Variants in DSTYK observed in about 807,000 individuals in gnomAD.
DSTYK encodes RIP-homologous kinase.
Under a neutral mutation model 98.7 loss-of-function variants are expected in DSTYK, and 34 were observed. The ratio of observed to expected loss-of-function variants is 0.34; its 90% CI spans 0.26 to 0.46. The LOEUF (loss-of-function observed/expected upper bound fraction) is 0.46, where lower values mean the gene tolerates loss of function less well. Among genes scored for constraint, DSTYK ranks in the 20% least tolerant of loss-of-function variants. DSTYK has a pLI of 1.00. For synonymous variants in DSTYK, 462 were observed against 457.3 expected, an observed-to-expected ratio of 1.01 and a Z score of -0.13; for missense variants, 962 against 1,181.7, an observed-to-expected ratio of 0.81 and a Z score of 2.73.
At chr1:205,174,513 C>A (rs56035054) in intron 2 of DSTYK, among the ~76,000 whole-genome samples, 43,586 of 102,470 alleles carry the variant, frequency 0.43, 11,895 homozygotes, top group Non-Finnish European at 0.55. Context: ...ACTCCGTCTC[C>A]AAAAAAAAAA....
intron 1 of DSTYK, among the ~76,000 whole-genome samples, chr1:205,192,260 G>C (rs533606437): frequency 1.3e-4 from 20 of 152,276 alleles, no homozygotes; most frequent in African/African-American, 4.8e-4. Context: ...GACCAGGCAT[G>C]GTGGCTCACG....
At chr1:205,167,212 A>G (rs562442425) in intron 3 of DSTYK, among the ~76,000 whole-genome samples, 1 of 152,226 alleles carries the variant, frequency 6.6e-6, no homozygotes, top group East Asian at 1.9e-4. Context: ...AGCTTGGCCA[A>G]CATGGTGAAA....
intron 1 of DSTYK, among the ~76,000 whole-genome samples, chr1:205,208,236 G>A (rs1193451076): frequency 6.6e-6 from 1 of 152,118 alleles, no homozygotes; most frequent in Non-Finnish European, 1.5e-5. Context: ...ACTGACCCCA[G>A]TGAATTCAGA....
rs184873764 is a variant in DSTYK, at chr1:205,197,012, G to A, written c.266-9206C>T. 4.0e-5 allele frequency among the ~76,000 whole-genome samples: 6 copies of A among 151,596 alleles called. No individual in the cohort carries two copies. The South Asian group carries it at 8.3e-4, about 21-fold the overall frequency. ...ACTCCTGATTTCAGGTGATCCACCC[G>A]CCATGGCCTCCCAAAGTGCTGGGAT... On this transcript the variant is annotated intron_variant, in intron 1 of 12. Coordinates refer to ENST00000367162, the MANE Select transcript of DSTYK (RefSeq NM_015375.3).
At chr1:205,147,831 C>A in intron 12 of DSTYK, 86 bp from the exon 13 acceptor site, 1 of 1,362,426 alleles carries the variant, frequency 7.3e-7, no homozygotes, top group Non-Finnish European at 1.0e-6. Flanking sequence ...GCTGACTTCC[C>A]AGTGGGGCTC....
Position 205,183,080 on chromosome 1 carries a change from G to GCACACA in DSTYK, c.654+4332_654+4337dup, listed in dbSNP as rs35209324. Among the ~76,000 whole-genome samples, 224 of 88,790 alleles carry GCACACA rather than the reference G, an allele frequency of 2.5e-3. 1 individual carries two copies. The highest frequency in any genetic ancestry group is 7.7e-3 in the East Asian group (17 of 2,208). 58.2% of individuals were successfully genotyped at this position (88,790 alleles called of 152,430 possible). A position where few individuals can be genotyped will look rare whatever the true frequency, so the allele number is the denominator to read the frequency against. On this transcript the variant is annotated intron_variant, in intron 2 of 12. Transcript: ENST00000367162. ...AGGTGTTCACAGGAAAAAAAAAAAA[G>GCACACA]CACACACACACACACACACACAGAG... is the stretch of plus-strand genomic sequence containing the variant.
In DSTYK at chr1:205,150,698, C is replaced by T. The variant is rs1168194164; in HGVS notation, c.2449G>A (p.Ala817Thr). The change falls in exon 11 of 13, where the codon GCC (alanine) becomes ACC (threonine). Residue 817 changes from alanine (A) to threonine (T), a missense_variant. Physicochemically the swap from Ala to Thr is moderately conservative, Grantham distance 58. Around this residue, in one of 4 missense-constraint regions of DSTYK, gnomAD observed 69 missense variants for 142.9 expected, o/e 0.48. Transcript: ENST00000367162. This position sits in a 1 kb window ranked among gnomAD's most constrained non-coding sequence, Gnocchi z 4.1. ...GSIVGTPIHM[A>T]PELFTGKYDN... Reference sequence around the variant, plus strand: ...GCCTTACCTGTGAAAAGTTCAGGGGCCATATGGATTGGTGTCCCCACAATG... The same window carrying T: ...GCCTTACCTGTGAAAAGTTCAGGGGTCATATGGATTGGTGTCCCCACAATG... The T allele has an allele frequency of 1.2e-6, 2 of 1,613,826 alleles. No individual in the cohort carries two copies. The highest frequency in any genetic ancestry group is 1.7e-6 in the Non-Finnish European group (2 of 1,179,912).
intron 2 of DSTYK, among the ~76,000 whole-genome samples, chr1:205,181,361 T>A (rs1427091030): frequency 1.3e-5 from 2 of 152,144 alleles, no homozygotes; most frequent in East Asian, 1.9e-4. Flanking sequence ...AATGTTGGGT[T>A]TGTTTTTTTT....
chr1:205,188,468 G>A (rs1196472624), intron 1 of DSTYK, among the ~76,000 whole-genome samples: 1 of 152,088 alleles, frequency 6.6e-6, no homozygotes, highest in African/African-American at 2.4e-5. Context: ...TTACTGTACT[G>A]AATACTATAG....
intron 3 of DSTYK, among the ~76,000 whole-genome samples, chr1:205,167,878 G>A (rs531242452): frequency 5.3e-5 from 8 of 152,338 alleles, no homozygotes; most frequent in East Asian, 3.9e-4. Flanking sequence ...TCGGGAGGCC[G>A]AGGCGGGTAG....
chr1:205,188,648 C>T (rs746248835), intron 1 of DSTYK, among the ~76,000 whole-genome samples: 34 of 152,154 alleles, frequency 2.2e-4, no homozygotes, highest in Non-Finnish European at 4.6e-4. Flanking sequence ...AGCTTATGTT[C>T]TTCATTGTGA....
Position 205,144,681 on chromosome 1 carries a change from GAA to G in DSTYK, c.*2875_*2876del, listed in dbSNP as rs1442429525. 27 of 152,358 alleles carry G rather than the reference GAA, an allele frequency of 1.8e-4. No homozygotes were observed. The highest frequency in any genetic ancestry group is 6.5e-4 in the African/African-American group (27 of 41,556). 9.4% of individuals were successfully genotyped at this position (152,358 alleles called of 1,614,324 possible). ...CTTTGGCTGGCCTAGAGACTTTCAA[GAA>G]TATTTTGCACCTTTTCTCAAAATAC... On this transcript the variant is annotated 3_prime_UTR_variant, in exon 13 of 13. Coordinates refer to ENST00000367162, the MANE Select transcript of DSTYK (RefSeq NM_015375.3).
At position 205,179,287 on chromosome 1, in the gene DSTYK, T is replaced by G. The variant is rs142240886; in HGVS notation, c.654+8131A>C. On this transcript the variant is annotated intron_variant, in intron 2 of 12. Transcript: ENST00000367162. ...GGCCCACTGTGTGTCAAGCACTGTCTGATTTGGTGTTTGGGAAGTTATGAA... is the reference window on the plus strand; with the variant it reads ...GGCCCACTGTGTGTCAAGCACTGTCGGATTTGGTGTTTGGGAAGTTATGAA... 5.0e-4 allele frequency among the ~76,000 whole-genome samples: 76 copies of G among 152,144 alleles called. No homozygotes were observed. In the East Asian group the frequency reaches 0.011, roughly 23 times the overall value.
intron 2 of DSTYK, among the ~76,000 whole-genome samples, chr1:205,174,847 C>T (rs980323929): frequency 6.7e-6 from 1 of 148,688 alleles, no homozygotes; most frequent in Admixed American, 6.7e-5. Flanking sequence ...AAGCGATTCT[C>T]CTGCCTCAGC....
intron 8 of DSTYK, 119 bp downstream of exon 8, chr1:205,159,995 T>C (rs1657669402): frequency 2.5e-6 from 3 of 1,198,358 alleles, no homozygotes; most frequent in Admixed American, 3.6e-5. Flanking sequence ...ACATGTCTGT[T>C]AGACACAGAA....
intron 2 of DSTYK, among the ~76,000 whole-genome samples, chr1:205,181,238 G>A (rs570636442): frequency 6.6e-6 from 1 of 152,144 alleles, no homozygotes; most frequent in South Asian, 2.1e-4. Context: ...TTCTTGCCCT[G>A]AGGATCTCAC....
chr1:205,192,803 A>G (rs1658750317), intron 1 of DSTYK, among the ~76,000 whole-genome samples: 1 of 152,168 alleles, frequency 6.6e-6, no homozygotes, highest in South Asian at 2.1e-4. Flanking sequence ...CAGAGGTTGT[A>G]GTGAGCCGAG....
chr1:205,197,460 T>G (rs1658900565), intron 1 of DSTYK, among the ~76,000 whole-genome samples: 1 of 152,202 alleles, frequency 6.6e-6, no homozygotes, highest in African/African-American at 2.4e-5. Flanking sequence ...TGGAACTCTT[T>G]TATTGTTCTC....
At chr1:205,203,588 A>AG (rs1659113597) in intron 1 of DSTYK, among the ~76,000 whole-genome samples, 7 of 21,948 alleles carry the variant, frequency 3.2e-4, no homozygotes, top group African/African-American at 1.7e-3. Context: ...GGGGAGGGGA[A>AG]GGGAGGGGGC....
Sources: gnomAD v4.1 joint callset for allele counts (sites outside exome capture counted in the v4.1 genomes callset) on GRCh38, gnomAD v4.1.1 for gene constraint, gnomAD v4.1.1 regional missense constraint, Gnocchi (gnomAD v3.1) non-coding constraint, MANE v1.5 for transcripts, NCBI Gene and HGNC (gene_info 2026-07-23, HGNC 2026-07-21) for gene names.